Variants in NIBAN3 observed in about 807,000 individuals in gnomAD.
NIBAN3 encodes protein Niban 3.
A neutral mutation model predicts 76.4 loss-of-function variants in NIBAN3; 66 were observed. The observed-to-expected ratio is 0.86, with a 90% CI of 0.71 to 1.06. The LOEUF (loss-of-function observed/expected upper bound fraction) is 1.06, where lower values mean the gene tolerates loss of function less well. Among genes scored for constraint, NIBAN3 ranks in the 50% least tolerant of loss-of-function variants. NIBAN3 has a pLI of 0.00. For synonymous variants in NIBAN3, 360 were observed against 355.2 expected (o/e 1.01, Z -0.15); for missense variants, 808 against 810.7 (o/e 1.00, Z 0.04).
chr19:17,526,351 A>G (rs1438204568), upstream of NIBAN3, among the ~76,000 whole-genome samples: 1 of 151,964 alleles, frequency 6.6e-6, no homozygotes, highest in Non-Finnish European at 1.5e-5. Flanking sequence ...GACACTTAAA[A>G]CGTGAAATAT....
At chr19:17,527,178 G>T, upstream of NIBAN3, 1 of 1,522,666 alleles carries the variant, frequency 6.6e-7, no homozygotes, top group South Asian at 1.2e-5. Context: ...ACGGGCCCCA[G>T]GGGAGTGGGG....
At chr19:17,528,990 G>A (rs1336601878) in intron 1 of NIBAN3, among the ~76,000 whole-genome samples, 1 of 152,188 alleles carries the variant, frequency 6.6e-6, no homozygotes, top group Non-Finnish European at 1.5e-5. Flanking sequence ...GGAGGGATGT[G>A]ATGGTGTTGG....
At chr19:17,547,566 G>T (rs749526085) in intron 13 of NIBAN3, among the ~76,000 whole-genome samples, 5 of 151,178 alleles carry the variant, frequency 3.3e-5, no homozygotes, top group African/African-American at 4.9e-5. Context: ...TGTTGGTCAG[G>T]CTGGTCTCAA....
In NIBAN3 at chr19:17,537,325, T is replaced by C. The variant is rs374082402; in HGVS notation, c.428-51T>C. 7 of 1,573,372 alleles carry C rather than the reference T, an allele frequency of 4.4e-6. No individual in the cohort carries two copies. The African/African-American group carries it at 8.1e-5, about 18-fold the overall frequency. ...CTGCTGTATGCATTTCAGGGGTATT[T>C]TCTCCTAGTGAATGAACGTCTAGAA... is the stretch of plus-strand genomic sequence containing the variant. On this transcript the variant is annotated intron_variant, in intron 4 of 14. Transcript: ENST00000599164.
At chr19:17,555,159 G>C (rs1036448305), downstream of NIBAN3, among the ~76,000 whole-genome samples, 1 of 152,126 alleles carries the variant, frequency 6.6e-6, no homozygotes, top group Non-Finnish European at 1.5e-5. Flanking sequence ...CTCACATATA[G>C]CAAGCCCAAG....
rs985026826 is a variant in NIBAN3 at position 17,537,502 on chromosome 19, G to A, written c.554G>A (p.Trp185Ter). 1 of 1,611,090 alleles carries A rather than the reference G, an allele frequency of 6.2e-7. No homozygotes were observed. The highest frequency in any genetic ancestry group is 1.3e-5 in the African/African-American group (1 of 74,912). ...SAATREAQHA[W>*]RLALQGGIRL... ...GCCACCAGGGAGGCACAGCATGCCT[G>A]GAGGCTGGCCCTGCAGGGTGGCATC... is the stretch of plus-strand genomic sequence containing the variant. The change falls in exon 5 of 15, where the codon TGG becomes TAG. Residue 185 changes from tryptophan to a stop codon, truncating the protein, a stop_gained. Coordinates refer to ENST00000599164, the MANE Select transcript of NIBAN3 (RefSeq NM_001321827.2). LOFTEE classifies it high-confidence loss of function.
chr19:17,539,286 C>G (rs1471100770), intron 6 of NIBAN3, 21 bp downstream of exon 6: 1 of 1,576,496 alleles, frequency 6.3e-7, no homozygotes, highest in Admixed American at 1.8e-5. Context: ...CGCGAGGCCG[C>G]ACCCGGGACC....
upstream of NIBAN3, among the ~76,000 whole-genome samples, chr19:17,525,003 T>G (rs1436404518): frequency 6.6e-6 from 1 of 152,222 alleles, no homozygotes; most frequent in African/African-American, 2.4e-5. Flanking sequence ...TCAGGGATTC[T>G]ACTACTGAGG....
In NIBAN3 at chr19:17,530,820, C is replaced by A. The variant is rs764016943; in HGVS notation, c.121C>A (p.Leu41Met). Residue 41 changes from leucine to methionine, a missense_variant, in exon 2 of 15, where the codon CTG becomes ATG. Leu to Met is a conservative substitution (Grantham distance 15). Transcript: ENST00000599164. ...CYRGQLAASV[L>M]RQISRELGPQ... ...CCGTGGGCAGCTGGCAGCGTCTGTC[C>A]TGCGGCAGATCTCTCGAGAGCTGGG... is the stretch of plus-strand genomic sequence containing the variant. 13 of 1,613,700 alleles carry A rather than the reference C, an allele frequency of 8.1e-6. No individual in the cohort carries two copies. Among genetic ancestry groups the A allele is most frequent in the Non-Finnish European group, 1.1e-5 (13 of 1,179,900 alleles).
intron 12 of NIBAN3, 91 bp from the exon 13 acceptor site, chr19:17,546,595 A>AT: frequency 2.3e-6 from 3 of 1,325,404 alleles, no homozygotes; most frequent in Non-Finnish European, 2.9e-6. Context: ...CCCACAGCTA[A>AT]TCAGGCCCAG....
At chr19:17,551,398 A>G (rs1273519350) in intron 14 of NIBAN3, among the ~76,000 whole-genome samples, 1 of 147,180 alleles carries the variant, frequency 6.8e-6, no homozygotes, top group African/African-American at 2.5e-5. Flanking sequence ...CCCGGCCTAC[A>G]TTTCTTTTTT....
In NIBAN3 at chr19:17,542,161, G is replaced by A; in HGVS notation, c.1196G>A (p.Trp399Ter). The stretch of plus-strand genomic sequence containing the variant: ...GTTTACTCATTTGGGGAGATGCCGT[G>A]GGACTTGGCGCTGATGCAGACATGC... ...REVYSFGEMP[W>*]DLALMQTCYR... Residue 399 changes from tryptophan to a stop codon, truncating the protein, a stop_gained, in exon 10 of 15, where the codon TGG becomes TAG. Coordinates refer to ENST00000599164, the MANE Select transcript of NIBAN3 (RefSeq NM_001321827.2). LOFTEE classifies it high-confidence loss of function. The surrounding 1 kb of genome is among the most constrained non-coding windows in gnomAD (Gnocchi z 4.8). 6.2e-7 allele frequency: 1 copy of A among 1,614,168 alleles called. No individual in the cohort carries two copies.
chr19:17,525,579 C>CCACGTGCA (rs1487413903), upstream of NIBAN3, among the ~76,000 whole-genome samples: 29 of 152,138 alleles, frequency 1.9e-4, no homozygotes, highest in African/African-American at 6.5e-4. Context: ...GCTTGGGCGA[C>CCACGTGCA]CACGTGCAGG....
intron 1 of NIBAN3, among the ~76,000 whole-genome samples, chr19:17,529,271 T>G (rs900487542): frequency 1.3e-5 from 2 of 152,008 alleles, no homozygotes; most frequent in Non-Finnish European, 2.9e-5. Flanking sequence ...TTCCCCCAGA[T>G]AGTGGCTTAA....
rs754276825 is a variant in NIBAN3, at chr19:17,530,769, C to G, written c.70C>G (p.Leu24Val). The G allele has an allele frequency of 1.5e-5, 24 of 1,611,670 alleles. No individual in the cohort carries two copies. The highest frequency in any genetic ancestry group is 2.0e-5 in the Non-Finnish European group (24 of 1,178,516). Residue 24 changes from leucine (L) to valine (V), a missense_variant, in exon 2 of 15, where the codon CTG becomes GTG. Transcript: ENST00000599164. Reference sequence around the variant, plus strand: ...TGTCCCTGCAGGTCAGGTGGACACCCTGCTGAGGAACTTCCTGCCTTGCTA... The same window carrying G: ...TGTCCCTGCAGGTCAGGTGGACACCGTGCTGAGGAACTTCCTGCCTTGCTA... ...RQHLRGQVDT[L>V]LRNFLPCYRG...
At chr19:17,529,930 G>A (rs940706509) in intron 1 of NIBAN3, among the ~76,000 whole-genome samples, 1 of 152,036 alleles carries the variant, frequency 6.6e-6, no homozygotes, top group East Asian at 1.9e-4. Flanking sequence ...ATGGTGGCAC[G>A]TGCACATGAT....
At chr19:17,554,559 G>GGATCAGGA (rs897943336), downstream of NIBAN3, among the ~76,000 whole-genome samples, 15 of 151,602 alleles carry the variant, frequency 9.9e-5, no homozygotes, top group African/African-American at 3.4e-4. Flanking sequence ...TGAGGTGGGC[G>GGATCAGGA]GATCAGGAGG....
chr19:17,545,515 G>T (rs1177327773), intron 12 of NIBAN3: 4 of 179,110 alleles, frequency 2.2e-5, no homozygotes, highest in Non-Finnish European at 3.4e-5. Flanking sequence ...CGAATGTCTG[G>T]CTGCGCTGTT....
chr19:17,543,291 G>A (rs764036830), intron 10 of NIBAN3, 26 bp from the exon 11 acceptor site: 6 of 1,464,474 alleles, frequency 4.1e-6, no homozygotes, highest in Non-Finnish European at 5.6e-6. Flanking sequence ...CAGATTCTGG[G>A]GTCATCATAG....
Sources: allele counts gnomAD v4.1 joint callset (sites outside exome capture counted in the v4.1 genomes callset), GRCh38; gene constraint gnomAD v4.1.1; non-coding constraint Gnocchi (gnomAD v3.1); transcripts MANE v1.5; gene names NCBI Gene and HGNC (gene_info 2026-07-23, HGNC 2026-07-21).